Variants in SAXO1 observed in about 807,000 individuals in gnomAD.
SAXO1 encodes 4930500O09Rik.
A neutral mutation model predicts 17.5 loss-of-function variants in SAXO1; 21 were observed. That is an observed-to-expected ratio of 1.20 (90% CI 0.85 to 1.72). The LOEUF is 1.72. SAXO1 is among the 40% of genes most tolerant of loss of function. SAXO1 has a pLI of 0.00. For missense variants in SAXO1, 843 were observed against 596.0 expected (o/e 1.41, Z -4.32); for synonymous variants, 274 against 216.5 (o/e 1.27, Z -2.33).
chr9:19,027,148 A>T, intron 1 of SAXO1: 2 of 1,112,598 alleles, frequency 1.8e-6, no homozygotes, highest in South Asian at 1.2e-5. Context: ...GTTGATCCCA[A>T]TGATCAAGAG....
At chr9:18,947,161 C>T (rs553587131) in intron 2 of SAXO1, among the ~76,000 whole-genome samples, 2 of 152,320 alleles carry the variant, frequency 1.3e-5, no homozygotes, top group African/African-American at 4.8e-5. Context: ...CAGGCCCAGG[C>T]TATGGAGGCT....
intron 3 of SAXO1, among the ~76,000 whole-genome samples, chr9:18,936,164 C>T (rs1302982393): frequency 6.6e-6 from 1 of 152,084 alleles, no homozygotes; most frequent in Non-Finnish European, 1.5e-5. Flanking sequence ...CTGATACCAC[C>T]CCCTCATCCA....
intron 1 of SAXO1, among the ~76,000 whole-genome samples, chr9:19,048,311 G>C (rs1301486437): frequency 6.6e-6 from 1 of 152,144 alleles, no homozygotes; most frequent in African/African-American, 2.4e-5. Flanking sequence ...ACAAAAATTA[G>C]CCGGGCGTGG....
chr9:18,986,795 C>G (rs992607383), intron 1 of SAXO1, among the ~76,000 whole-genome samples: 2 of 152,174 alleles, frequency 1.3e-5, no homozygotes, highest in African/African-American at 4.8e-5. Flanking sequence ...GGGCACTGTT[C>G]ACTTCAAAGA....
intron 1 of SAXO1, among the ~76,000 whole-genome samples, chr9:19,045,276 G>C (rs369065455): frequency 7.7e-5 from 10 of 130,214 alleles, no homozygotes; most frequent in Non-Finnish European, 1.1e-4. Flanking sequence ...CGCCACTGCA[G>C]TCCGCAGTCC....
intron 2 of SAXO1, among the ~76,000 whole-genome samples, chr9:18,944,695 C>A (rs1434204355): frequency 1.3e-5 from 2 of 152,150 alleles, no homozygotes; most frequent in African/African-American, 4.8e-5. Flanking sequence ...GAAGTCATAA[C>A]AACTTGACTT....
intron 1 of SAXO1, among the ~76,000 whole-genome samples, chr9:19,006,925 A>G (rs528879018): frequency 2.8e-4 from 43 of 152,038 alleles, no homozygotes; most frequent in African/African-American, 9.9e-4. Flanking sequence ...TGCACCTGTA[A>G]CCCCAGTTAC....
At chr9:18,963,970 T>TAC (rs1185401915) in intron 1 of SAXO1, among the ~76,000 whole-genome samples, 2 of 152,220 alleles carry the variant, frequency 1.3e-5, no homozygotes, top group African/African-American at 2.4e-5. Flanking sequence ...CATCAATACC[T>TAC]ACTTTACTGA....
At chr9:18,930,718 C>T (rs557141098) in intron 3 of SAXO1, among the ~76,000 whole-genome samples, 6 of 152,210 alleles carry the variant, frequency 3.9e-5, no homozygotes, top group Non-Finnish European at 7.3e-5. Context: ...AGGCTGGTCT[C>T]GAACTCCCGA....
chr9:18,996,960 A>G (rs1834031553), intron 1 of SAXO1, among the ~76,000 whole-genome samples: 1 of 152,110 alleles, frequency 6.6e-6, no homozygotes, highest in African/African-American at 2.4e-5. Context: ...AAATCTAGGC[A>G]AATTTAGGAG....
chr9:18,996,734 T>C (rs1175394277), intron 1 of SAXO1, among the ~76,000 whole-genome samples: 2 of 152,130 alleles, frequency 1.3e-5, no homozygotes, highest in Admixed American at 1.3e-4. Context: ...GTGAACATCA[T>C]ACTTAATGAT....
intron 1 of SAXO1, among the ~76,000 whole-genome samples, chr9:19,016,385 G>A (rs1410592655): frequency 2.6e-5 from 4 of 152,292 alleles, no homozygotes; most frequent in Admixed American, 1.3e-4. Flanking sequence ...GTAGTGAGCC[G>A]AGATTGCGCT....
At chr9:18,983,847 C>G (rs1833490555) in intron 1 of SAXO1, among the ~76,000 whole-genome samples, 1 of 152,198 alleles carries the variant, frequency 6.6e-6, no homozygotes, top group African/African-American at 2.4e-5. Context: ...TTCCAGAAGG[C>G]CAATACCAGT....
At chr9:18,943,291 A>C (rs536858778) in intron 2 of SAXO1, among the ~76,000 whole-genome samples, 1 of 152,328 alleles carries the variant, frequency 6.6e-6, no homozygotes, top group East Asian at 1.9e-4. Context: ...GTTATAGGAC[A>C]TTCAGCCTGG....
chr9:19,001,270 C>A (rs950895202), intron 1 of SAXO1, among the ~76,000 whole-genome samples: 9 of 152,202 alleles, frequency 5.9e-5, no homozygotes, highest in Admixed American at 5.2e-4. Context: ...CAAATTAGAA[C>A]TCAGGATTAA....
At chr9:18,983,360 G>A (rs1833473049) in intron 1 of SAXO1, among the ~76,000 whole-genome samples, 1 of 152,132 alleles carries the variant, frequency 6.6e-6, no homozygotes, top group Non-Finnish European at 1.5e-5. Context: ...CATGAGAACA[G>A]CATGGGGGAA....
At chr9:18,965,147 G>C (rs1489396661) in intron 1 of SAXO1, among the ~76,000 whole-genome samples, 1 of 152,098 alleles carries the variant, frequency 6.6e-6, no homozygotes, top group Non-Finnish European at 1.5e-5. Flanking sequence ...CCATTCTTTT[G>C]CATTTGCTGA....
intron 2 of SAXO1, among the ~76,000 whole-genome samples, chr9:18,944,990 C>G (rs1831728608): frequency 6.6e-6 from 1 of 152,164 alleles, no homozygotes; most frequent in African/African-American, 2.4e-5. Context: ...CACCCCTGCC[C>G]TCTTTCTCGG....
rs1461554145 is a variant in SAXO1, at chr9:18,931,151, A to G, written c.422-2096T>C. Among the ~76,000 whole-genome samples the G allele has an allele frequency of 5.9e-5, 9 of 152,324 alleles. No individual in the cohort carries two copies. The South Asian group carries it at 1.9e-3, about 32-fold the overall frequency. Reference sequence around the variant, plus strand: ...TATTTGCATCATGCCAAAAATACCAATTATCTTCATTTGTAGTCAGTCTTT... The same window carrying G: ...TATTTGCATCATGCCAAAAATACCAGTTATCTTCATTTGTAGTCAGTCTTT... On this transcript the variant is annotated intron_variant, in intron 3 of 3. Transcript: ENST00000380534.
Sources: gnomAD v4.1 joint callset for allele counts (sites outside exome capture counted in the v4.1 genomes callset) on GRCh38, gnomAD v4.1.1 for gene constraint, MANE v1.5 for transcripts, NCBI Gene and HGNC (gene_info 2026-07-23, HGNC 2026-07-21) for gene names.